Variants in YEATS2 observed in about 807,000 individuals in gnomAD.
The protein encoded by YEATS2 is YEATS domain containing 2, also known as YEATS domain-containing protein 2.
YEATS2 carries 77 observed loss-of-function variants against 163.2 expected under a neutral mutation model. The observed-to-expected ratio is 0.47, with a 90% CI of 0.39 to 0.57. The LOEUF (loss-of-function observed/expected upper bound fraction) is 0.57. YEATS2 is among the 20% of genes least tolerant of loss of function. The pLI is 0.00. For synonymous variants in YEATS2, 631 were observed against 645.1 expected (o/e 0.98, Z 0.33); for missense variants, 1,549 against 1,729.8 (o/e 0.90, Z 1.85).
intron 9 of YEATS2, 51 bp from the exon 10 acceptor site, chr3:183,752,022 C>T: frequency 1.2e-6 from 2 of 1,600,014 alleles, no homozygotes; most frequent in South Asian, 1.1e-5. Flanking sequence ...CTTGAGCTTT[C>T]TGTGACATTG....
chr3:183,716,108 C>T lies in YEATS2; in HGVS notation c.100+846C>T, dbSNP rs1041338400. On this transcript the variant is annotated intron_variant, in intron 2 of 30. Coordinates refer to ENST00000305135, the MANE Select transcript of YEATS2 (RefSeq NM_018023.5). ...CCGAGTAGCTGGGACTACAGGCACC[C>T]GCCACCACGCCTTGCTAATATTTTG... Among the ~76,000 whole-genome samples the T allele has an allele frequency of 5.9e-5, 9 of 152,072 alleles. No individual in the cohort carries two copies. The East Asian group carries it at 9.7e-4, about 16-fold the overall frequency.
intron 9 of YEATS2, among the ~76,000 whole-genome samples, chr3:183,749,564 G>A (rs377578386): frequency 6.6e-6 from 1 of 152,034 alleles, no homozygotes; most frequent in Admixed American, 6.6e-5. Flanking sequence ...GCCTTATTTC[G>A]CTTTGCATAA....
intron 1 of YEATS2, among the ~76,000 whole-genome samples, chr3:183,710,339 T>C (rs1461867546): frequency 6.6e-6 from 1 of 152,238 alleles, no homozygotes; most frequent in Non-Finnish European, 1.5e-5. Context: ...CACTTATTTA[T>C]TATATCATCA....
intron 15 of YEATS2, among the ~76,000 whole-genome samples, chr3:183,771,619 C>T (rs534154977): frequency 3.0e-4 from 41 of 135,284 alleles, no homozygotes; most frequent in Non-Finnish European, 4.3e-4. Flanking sequence ...GGTGTGATCA[C>T]GGCTCAGTGC....
At chr3:183,756,819 A>G in intron 12 of YEATS2, 130 bp downstream of exon 12, 1 of 852,138 alleles carries the variant, frequency 1.2e-6, no homozygotes, top group Non-Finnish European at 1.6e-6. Context: ...AGAATAAGTA[A>G]AAGGAAAGCC....
At chr3:183,803,391 A>ACAGG in intron 26 of YEATS2, 56 bp downstream of exon 26, 5 of 1,467,082 alleles carry the variant, frequency 3.4e-6, no homozygotes, top group Non-Finnish European at 4.7e-6. Flanking sequence ...GTCTTATGGA[A>ACAGG]CAGGGATAAG....
chr3:183,807,870 T>C, intron 28 of YEATS2, 160 bp from the exon 29 acceptor site: 1 of 581,972 alleles, frequency 1.7e-6, no homozygotes, highest in South Asian at 2.2e-5. Flanking sequence ...CTTCTAGATG[T>C]TATATTCCGT....
At chr3:183,809,268 G>A (rs1726550693) in intron 30 of YEATS2, 98 bp downstream of exon 30, 3 of 1,247,512 alleles carry the variant, frequency 2.4e-6, no homozygotes, top group African/African-American at 3.0e-5. Context: ...CAATCCAGTA[G>A]GAGATGGAGT....
rs116632889 is a variant in YEATS2, at chr3:183,793,953, C to T, written c.3097+2973C>T. On this transcript the variant is annotated intron_variant, in intron 21 of 30. Transcript: ENST00000305135. ...GGATCAAACTATTTCCTACTTAAAA[C>T]CAGCAGTTTTTCAATTAAGTTTTTT... Among the ~76,000 whole-genome samples the T allele has an allele frequency of 2.3e-3, 347 of 152,282 alleles. 1 individual carries two copies. Among genetic ancestry groups the T allele is most frequent in the Middle Eastern group, 0.014 (4 of 294 alleles).
At chr3:183,704,211 T>A (rs1486722579) in intron 1 of YEATS2, among the ~76,000 whole-genome samples, 3 of 151,990 alleles carry the variant, frequency 2.0e-5, no homozygotes, top group African/African-American at 7.2e-5. Flanking sequence ...CAAATCCCCT[T>A]CGTTCTAGAT....
intron 10 of YEATS2, among the ~76,000 whole-genome samples, chr3:183,752,482 G>T (rs1720273039): frequency 6.6e-6 from 1 of 152,060 alleles, no homozygotes. Context: ...GGCCAAGGCG[G>T]GTGGATCATG....
At chr3:183,755,001 C>A (rs1367253031) in intron 11 of YEATS2, among the ~76,000 whole-genome samples, 1 of 151,948 alleles carries the variant, frequency 6.6e-6, no homozygotes, top group Non-Finnish European at 1.5e-5. Context: ...ATGAGGACTT[C>A]TGTATAATAG....
Position 183,809,077 on chromosome 3 carries a change from A to G in YEATS2, c.4087-20A>G. ...GCAAGCAGATGGCCATTTGAAGAAT[A>G]ACAGCATCTTCCATTGTAGGCTACA... On this transcript the variant is annotated intron_variant, in intron 29 of 30. Coordinates refer to ENST00000305135, the MANE Select transcript of YEATS2 (RefSeq NM_018023.5). 1 of 1,613,902 alleles carries G rather than the reference A, an allele frequency of 6.2e-7. No individual in the cohort carries two copies. Among genetic ancestry groups the G allele is most frequent in the Non-Finnish European group, 8.5e-7 (1 of 1,179,810 alleles).
intron 29 of YEATS2, 50 bp from the exon 30 acceptor site, chr3:183,809,047 T>G: frequency 4.4e-6 from 7 of 1,594,340 alleles, no homozygotes; most frequent in Non-Finnish European, 5.2e-6. Flanking sequence ...TGTCCCTTCT[T>G]GCCAGCAAGC....
chr3:183,787,803 T>A (rs2108466419), intron 20 of YEATS2, among the ~76,000 whole-genome samples: 1 of 151,866 alleles, frequency 6.6e-6, no homozygotes, highest in East Asian at 1.9e-4. Flanking sequence ...CAAACCATCC[T>A]GGCTAACAAG....
At chr3:183,705,467 G>A (rs1181196953) in intron 1 of YEATS2, among the ~76,000 whole-genome samples, 1 of 152,124 alleles carries the variant, frequency 6.6e-6, no homozygotes, top group Non-Finnish European at 1.5e-5. Flanking sequence ...ATTGTTGGAT[G>A]TATAGTTTAA....
At chr3:183,785,278 G>A (rs1723951835) in intron 19 of YEATS2, among the ~76,000 whole-genome samples, 1 of 151,670 alleles carries the variant, frequency 6.6e-6, no homozygotes. Flanking sequence ...ACGAGGTCAC[G>A]AGAGATCGAG....
chr3:183,781,726 C>G (rs1723578604), intron 19 of YEATS2, among the ~76,000 whole-genome samples: 1 of 150,460 alleles, frequency 6.6e-6, no homozygotes, highest in South Asian at 2.1e-4. Flanking sequence ...GGCGACAGAA[C>G]AAGACTCCGT....
Position 183,807,035 on chromosome 3 carries a change from C to A in YEATS2, c.3954C>A (p.Val1318=). Residue 1318 remains valine (V), a synonymous_variant, in exon 28 of 31, where the codon GTC becomes GTA. Coordinates refer to ENST00000305135, the MANE Select transcript of YEATS2 (RefSeq NM_018023.5). ...AGCAGGAAGAGAAACAAGAGGAAGT[C>A]AAGTTCTACCTGCCACCAACCCCAG... ...KKEQEEKQEE[V]KFYLPPTPGS... 6.2e-7 allele frequency: 1 copy of A among 1,614,102 alleles called. No individual in the cohort carries two copies. The highest frequency in any genetic ancestry group is 1.1e-5 in the South Asian group (1 of 91,026).
Sources: allele counts gnomAD v4.1 joint callset (sites outside exome capture counted in the v4.1 genomes callset), GRCh38; gene constraint gnomAD v4.1.1; transcripts MANE v1.5; gene names NCBI Gene and HGNC (gene_info 2026-07-23, HGNC 2026-07-21).